The following OSTM1 variants were observed in gnomAD, a reference collection of about 807,000 sequenced individuals.
The protein encoded by OSTM1 is osteopetrosis-associated transmembrane protein 1.
Under a neutral mutation model 35.4 loss-of-function variants are expected in OSTM1, and 26 were observed. The observed-to-expected ratio is 0.73, with a 90% CI of 0.54 to 1.02. The LOEUF is 1.02. OSTM1 is among the 50% of genes least tolerant of loss of function. The pLI, the probability that OSTM1 is intolerant of heterozygous loss-of-function variation, is 0.00. For synonymous variants in OSTM1, 181 were observed against 165.0 expected (o/e 1.10, Z -0.75); for missense variants, 366 against 409.6 (o/e 0.89, Z 0.92).
chr6:108,062,190 A>C (rs1256633810), intron 2 of OSTM1, among the ~76,000 whole-genome samples: 3 of 152,216 alleles, frequency 2.0e-5, no homozygotes, highest in African/African-American at 4.8e-5. Context: ...ATTAGTAAGT[A>C]AACTAAGGGT....
chr6:108,070,125 C>T (rs1050540241), intron 1 of OSTM1, among the ~76,000 whole-genome samples: 1 of 152,092 alleles, frequency 6.6e-6, no homozygotes, highest in Non-Finnish European at 1.5e-5. Context: ...GAAACCTCAG[C>T]CTCCCAGGCT....
At chr6:108,048,668 T>C (rs1772022706) in intron 5 of OSTM1, among the ~76,000 whole-genome samples, 1 of 152,138 alleles carries the variant, frequency 6.6e-6, no homozygotes, top group Admixed American at 6.5e-5. Context: ...CCTCTGTTGT[T>C]ATTCTTCTGT....
intron 5 of OSTM1, among the ~76,000 whole-genome samples, chr6:108,048,311 C>G (rs1283270929): frequency 6.6e-6 from 1 of 152,076 alleles, no homozygotes; most frequent in African/African-American, 2.4e-5. Flanking sequence ...TTTTTAAAAA[C>G]TAAAATTATT....
At chr6:108,057,328 A>G (rs1304879944) in intron 2 of OSTM1, among the ~76,000 whole-genome samples, 3 of 152,174 alleles carry the variant, frequency 2.0e-5, no homozygotes, top group African/African-American at 7.2e-5. Flanking sequence ...ACAATTACAT[A>G]GTTTTTGTAC....
chr6:108,044,148 TATAAAAGTCA>T lies in OSTM1; in HGVS notation c.*627_*636del. On this transcript the variant is annotated 3_prime_UTR_variant, in exon 6 of 6. Coordinates refer to ENST00000193322, the MANE Select transcript of OSTM1 (RefSeq NM_014028.4). ...CAAAAATAAGATGTAAAATACTATT[TATAAAAGTCA>T]AGTAAGAAACCAGTTACCATAAATC... 1 of 152,734 alleles carries T rather than the reference TATAAAAGTCA, an allele frequency of 6.5e-6. No individual in the cohort carries two copies. Among genetic ancestry groups the T allele is most frequent in the South Asian group, 2.1e-4 (1 of 4,832 alleles). The allele number at this position is 152,734 out of a possible 1,614,324, so 9.5% of individuals were successfully genotyped here.
In OSTM1 at chr6:108,049,497, T is replaced by C. The variant is rs1245218048; in HGVS notation, c.784-79A>G. 8 of 1,585,272 alleles carry C rather than the reference T, an allele frequency of 5.0e-6. No individual in the cohort carries two copies. In the African/African-American group the frequency reaches 1.1e-4, roughly 22 times the overall value. On this transcript the variant is annotated intron_variant, in intron 4 of 5. Coordinates refer to ENST00000193322, the MANE Select transcript of OSTM1 (RefSeq NM_014028.4). ...TTCTTATAATTATTTTGCTAATAAC[T>C]AAACAGGAATCTAGAATTTAGACTC...
chr6:108,074,235 T>C lies in OSTM1; in HGVS notation c.402+15A>G, dbSNP rs755009460. ...CTCTCCTGAGCCACAGTCCCGGACG[T>C]GGTCCTGTACCCACCCCCGCGGCTC... On this transcript the variant is annotated intron_variant, in intron 1 of 5. Coordinates refer to ENST00000193322, the MANE Select transcript of OSTM1 (RefSeq NM_014028.4). The C allele has an allele frequency of 6.2e-7, 1 of 1,611,304 alleles. No homozygotes were observed.
chr6:108,052,765 G>A (rs6933101), intron 3 of OSTM1, among the ~76,000 whole-genome samples: 1 of 152,104 alleles, frequency 6.6e-6, no homozygotes, highest in African/African-American at 2.4e-5. Context: ...AAGAGTCCTT[G>A]TTTCCAAAGA....
At chr6:108,063,221 T>C (rs916129077) in intron 2 of OSTM1, among the ~76,000 whole-genome samples, 4 of 152,144 alleles carry the variant, frequency 2.6e-5, no homozygotes, top group Non-Finnish European at 5.9e-5. Context: ...GGTCTCACTA[T>C]GTTCCCCAGG....
At chr6:108,060,413 T>C (rs1271785142) in intron 2 of OSTM1, among the ~76,000 whole-genome samples, 1 of 152,206 alleles carries the variant, frequency 6.6e-6, no homozygotes, top group Non-Finnish European at 1.5e-5. Context: ...ATTAGTGAAA[T>C]CTTTTTTACA....
intron 2 of OSTM1, among the ~76,000 whole-genome samples, chr6:108,055,233 G>T (rs995168288): frequency 6.6e-6 from 1 of 152,036 alleles, no homozygotes; most frequent in Non-Finnish European, 1.5e-5. Context: ...GTTAGCTCAA[G>T]TTCACTCATC....
At chr6:108,049,699 A>T in intron 4 of OSTM1, 1 of 408,368 alleles carries the variant, frequency 2.4e-6, no homozygotes, top group Non-Finnish European at 4.1e-6. Context: ...ATTCAAACAA[A>T]GAACTTATAT....
chr6:108,070,706 A>C (rs533223400), intron 1 of OSTM1, among the ~76,000 whole-genome samples: 1 of 151,766 alleles, frequency 6.6e-6, no homozygotes, highest in African/African-American at 2.4e-5. Flanking sequence ...CCTGGCCAAC[A>C]TAGTGAAACC....
intron 5 of OSTM1, among the ~76,000 whole-genome samples, chr6:108,048,620 C>T (rs1221408311): frequency 1.3e-5 from 2 of 152,108 alleles, no homozygotes; most frequent in African/African-American, 4.8e-5. Flanking sequence ...TAAGAGCTGT[C>T]TGTATCTCCC....
chr6:108,049,160 T>A, intron 5 of OSTM1, 93 bp downstream of exon 5: 7 of 811,568 alleles, frequency 8.6e-6, no homozygotes, highest in Non-Finnish European at 1.4e-5. Context: ...TAATCTACTT[T>A]GAGTTCTCAG....
intron 2 of OSTM1, among the ~76,000 whole-genome samples, chr6:108,056,763 G>T (rs995205619): frequency 2.6e-5 from 4 of 152,110 alleles, no homozygotes; most frequent in African/African-American, 9.7e-5. Context: ...TTCAGGAGTT[G>T]TCCCCTCTCT....
rs752665241 is a variant in OSTM1, at chr6:108,074,396, C to A, written c.256G>T (p.Glu86Ter). Residue 86 changes from glutamate to a stop codon, truncating the protein, a stop_gained, in exon 1 of 6, where the codon GAG becomes TAG. Transcript: ENST00000193322. LOFTEE classifies it high-confidence loss of function. ...DLPDLDPECR[E>*]LLLDFANSSA... ...CTGTTGGCGAAGTCCAGCAGGAGCT[C>A]CCGGCACTCAGGATCCAGATCCGGC... 4 of 1,577,610 alleles carry A rather than the reference C, an allele frequency of 2.5e-6. No individual in the cohort carries two copies. Among genetic ancestry groups the A allele is most frequent in the Non-Finnish European group, 3.4e-6 (4 of 1,161,824 alleles).
In OSTM1 at chr6:108,074,542, C is replaced by A; in HGVS notation, c.110G>T (p.Ser37Ile). Residue 37 changes from serine to isoleucine, a missense_variant, in exon 1 of 6, where the codon AGC becomes ATC. This residue lies in a region of OSTM1 where 236 missense variants were observed against 239.3 expected (regional missense o/e 0.99). Coordinates refer to ENST00000193322, the MANE Select transcript of OSTM1 (RefSeq NM_014028.4). ...GTCGTGGAAGACCCTGTGCGGACTG[C>A]TGCCGAAGGGGAGCGCGCCCAGGGC... ...GLALGALPFGSSPHRVFHDLL... is the reference protein window; with the variant it reads ...GLALGALPFGISPHRVFHDLL... 1 of 1,556,602 alleles carries A rather than the reference C, an allele frequency of 6.4e-7. No homozygotes were observed.
intron 3 of OSTM1, among the ~76,000 whole-genome samples, chr6:108,053,182 C>T (rs1025337977): frequency 6.6e-6 from 1 of 152,120 alleles, no homozygotes; most frequent in Admixed American, 6.5e-5. Context: ...AGAAATCTAC[C>T]AAACTCATAC....
Sources: gnomAD v4.1 joint callset for allele counts (sites outside exome capture counted in the v4.1 genomes callset) on GRCh38, gnomAD v4.1.1 for gene constraint, gnomAD v4.1.1 regional missense constraint, MANE v1.5 for transcripts, NCBI Gene and HGNC (gene_info 2026-07-23, HGNC 2026-07-21) for gene names.